PRMT3: variants seen among roughly 807,000 people sequenced by gnomAD.
PRMT3 encodes the protein protein arginine N-methyltransferase 3.
PRMT3 carries 62 observed loss-of-function variants against 71.9 expected under a neutral mutation model. That is an observed-to-expected ratio of 0.86 (90% CI 0.70 to 1.07). The LOEUF (loss-of-function observed/expected upper bound fraction) is 1.07. Ranked by LOEUF, PRMT3 falls within the 50% of genes least tolerant of loss-of-function variation. The pLI, the probability that PRMT3 is intolerant of heterozygous loss-of-function variation, is 0.00. For missense variants in PRMT3, 663 were observed against 643.0 expected (o/e 1.03, Z -0.34); for synonymous variants, 213 against 220.4 (o/e 0.97, Z 0.30).
chr11:20,447,395 A>G (rs1414210237), intron 10 of PRMT3, among the ~76,000 whole-genome samples: 5 of 152,088 alleles, frequency 3.3e-5, no homozygotes, highest in Non-Finnish European at 7.4e-5. Flanking sequence ...GCTGCTAAAC[A>G]TCCTTCAATG....
Position 20,508,675 on chromosome 11 carries a change from T to C in PRMT3, c.*262T>C, listed in dbSNP as rs1851657584. 1 of 562,054 alleles carries C rather than the reference T, an allele frequency of 1.8e-6. No homozygotes were observed. Among genetic ancestry groups the C allele is most frequent in the Non-Finnish European group, 3.4e-6 (1 of 296,822 alleles). 34.8% of individuals were successfully genotyped at this position (562,054 alleles called of 1,614,324 possible). A position where few individuals can be genotyped will look rare whatever the true frequency, so the allele number is the denominator to read the frequency against. On this transcript the variant is annotated 3_prime_UTR_variant, in exon 16 of 16. Transcript: ENST00000331079. Reference sequence around the variant, plus strand: ...ATTTAACCAAATGTAACTCCCACATTGAGTTTATCTATATTGAAAATCATT... The same window carrying C: ...ATTTAACCAAATGTAACTCCCACATCGAGTTTATCTATATTGAAAATCATT...
chr11:20,407,960 C>G lies in PRMT3; in HGVS notation c.821C>G (p.Ala274Gly). The G allele has an allele frequency of 6.2e-7, 1 of 1,610,046 alleles. No individual in the cohort carries two copies. Among genetic ancestry groups the G allele is most frequent in the Non-Finnish European group, 8.5e-7 (1 of 1,176,446 alleles). The change falls in exon 9 of 16, where the codon GCT becomes GGT. Residue 274 changes from alanine to glycine, a missense_variant. Transcript: ENST00000331079. ...CGTGILSMFA[A>G]KAGAKKVLGV... ...ACTGGAATTCTCTCTATGTTTGCTGCTAAAGCTGGGGCGAAGAAGGTTCTT... is the reference window on the plus strand; with the variant it reads ...ACTGGAATTCTCTCTATGTTTGCTGGTAAAGCTGGGGCGAAGAAGGTTCTT...
intron 10 of PRMT3, among the ~76,000 whole-genome samples, chr11:20,436,492 A>C (rs1208896339): frequency 6.6e-6 from 1 of 152,124 alleles, no homozygotes; most frequent in African/African-American, 2.4e-5. Context: ...AGTATTTATC[A>C]TGAAGGGATG....
At chr11:20,430,040 C>T (rs557006082) in intron 10 of PRMT3, among the ~76,000 whole-genome samples, 36 of 152,226 alleles carry the variant, frequency 2.4e-4, no homozygotes, top group African/African-American at 8.2e-4. Flanking sequence ...ATGTTTCAGG[C>T]GCATTGGCTG....
chr11:20,483,226 T>G (rs1053446451), intron 13 of PRMT3, among the ~76,000 whole-genome samples: 1 of 152,126 alleles, frequency 6.6e-6, no homozygotes, highest in Non-Finnish European at 1.5e-5. Context: ...TCTTCAGCAG[T>G]CATAAAACTA....
intron 13 of PRMT3, among the ~76,000 whole-genome samples, chr11:20,478,298 A>G (rs1850845701): frequency 6.6e-6 from 1 of 152,114 alleles, no homozygotes; most frequent in Non-Finnish European, 1.5e-5. Context: ...TTAAAGCCCA[A>G]ACTGGAAAAT....
Position 20,487,071 on chromosome 11 carries a change from AG to A in PRMT3, c.1348-6847del, listed in dbSNP as rs1331135044. ...GACTCCATCTCAAGAAAAAAAAAAAAGAAGAAGAAGAATGAAGCTGAAATAA... is the reference window on the plus strand; with the variant it reads ...GACTCCATCTCAAGAAAAAAAAAAAAAAGAAGAAGAATGAAGCTGAAATAA... On this transcript the variant is annotated intron_variant, in intron 13 of 15. Coordinates refer to ENST00000331079, the MANE Select transcript of PRMT3 (RefSeq NM_005788.4). Among the ~76,000 whole-genome samples, 82 of 141,030 alleles carry A rather than the reference AG, an allele frequency of 5.8e-4. 1 individual carries two copies. The highest frequency in any genetic ancestry group is 7.4e-3 in the Middle Eastern group (2 of 270). The allele number at this position is 141,030 out of a possible 152,430, so 92.5% of individuals were successfully genotyped here.
intron 13 of PRMT3, 135 bp from the exon 14 acceptor site, chr11:20,493,784 G>A (rs1234974384): frequency 1.6e-6 from 1 of 626,354 alleles, no homozygotes. Context: ...ATCTTTTCCA[G>A]GAAAAATATT....
At chr11:20,494,138 T>C (rs1174664474) in intron 14 of PRMT3, 29 bp from the exon 15 acceptor site, 1 of 1,557,802 alleles carries the variant, frequency 6.4e-7, no homozygotes, top group Non-Finnish European at 8.9e-7. Context: ...TTGTACTTCA[T>C]CAAATACCTT....
intron 9 of PRMT3, among the ~76,000 whole-genome samples, chr11:20,426,207 G>T (rs1203787374): frequency 6.6e-6 from 1 of 152,184 alleles, no homozygotes; most frequent in Non-Finnish European, 1.5e-5. Flanking sequence ...ATAGATACAT[G>T]TATAGCTTTC....
chr11:20,441,375 G>A (rs1481884180), intron 10 of PRMT3, among the ~76,000 whole-genome samples: 1 of 151,192 alleles, frequency 6.6e-6, no homozygotes, highest in Non-Finnish European at 1.5e-5. Flanking sequence ...GCGCAATCTC[G>A]GCTCACTGCA....
chr11:20,407,789 A>G lies in PRMT3; in HGVS notation c.772-122A>G, dbSNP rs1486117148. 3.8e-6 allele frequency: 4 copies of G among 1,053,212 alleles called. No individual in the cohort carries two copies. In the African/African-American group the frequency reaches 4.9e-5, roughly 13 times the overall value. 65.2% of individuals were successfully genotyped at this position (1,053,212 alleles called of 1,614,324 possible). A position where few individuals can be genotyped will look rare whatever the true frequency, so the allele number is the denominator to read the frequency against. ...CAGGCGTGAGCCACCGCGCCTGGCC[A>G]GTTTCAGATTTTTATTGTGATCTTT... On this transcript the variant is annotated intron_variant, in intron 8 of 15. Transcript: ENST00000331079.
chr11:20,494,113 A>G (rs1851276939), intron 14 of PRMT3, 54 bp from the exon 15 acceptor site: 2 of 1,511,774 alleles, frequency 1.3e-6, no homozygotes, highest in Non-Finnish European at 1.8e-6. Context: ...TTAATGTACC[A>G]TGATATTAAA....
chr11:20,387,829 G>C lies in PRMT3; in HGVS notation c.28+55G>C. 1.9e-6 allele frequency: 3 copies of C among 1,538,636 alleles called. No individual in the cohort carries two copies. The highest frequency in any genetic ancestry group is 2.6e-6 in the Non-Finnish European group (3 of 1,144,698). On this transcript the variant is annotated intron_variant, in intron 1 of 15. Transcript: ENST00000331079. The surrounding 1 kb of genome is among the most constrained non-coding windows in gnomAD (Gnocchi z 4.3). ...TCGTCCAGCCCCAGGCCGCGCCGCT[G>C]TGGGGCCGGTGGAAGACCCTCCGGG...
intron 3 of PRMT3, among the ~76,000 whole-genome samples, chr11:20,391,031 C>CA (rs1408173467): frequency 6.9e-6 from 1 of 144,846 alleles, no homozygotes; most frequent in Non-Finnish European, 1.5e-5. Context: ...GCCTGGGTGA[C>CA]AGACTGAGAC....
chr11:20,488,316 C>G (rs1412443338), intron 13 of PRMT3, among the ~76,000 whole-genome samples: 2 of 152,086 alleles, frequency 1.3e-5, no homozygotes, highest in African/African-American at 2.4e-5. Context: ...ATTTTCATCT[C>G]CTTGGTTTAT....
chr11:20,416,999 T>C (rs1849319690), intron 9 of PRMT3, among the ~76,000 whole-genome samples: 1 of 152,178 alleles, frequency 6.6e-6, no homozygotes, highest in East Asian at 1.9e-4. Context: ...ACCCCCGTAA[T>C]GTTTTAGTCC....
At chr11:20,400,896 G>A (rs1276942522) in intron 7 of PRMT3, among the ~76,000 whole-genome samples, 1 of 151,570 alleles carries the variant, frequency 6.6e-6, no homozygotes, top group Non-Finnish European at 1.5e-5. Context: ...TGACGTGTTA[G>A]CCTTTGTTAG....
At chr11:20,501,614 G>A (rs1851459348) in intron 15 of PRMT3, among the ~76,000 whole-genome samples, 1 of 152,074 alleles carries the variant, frequency 6.6e-6, no homozygotes, top group Admixed American at 6.6e-5. Flanking sequence ...AGTCTAGTTT[G>A]GAAAAATTAC....
Sources: allele counts gnomAD v4.1 joint callset (sites outside exome capture counted in the v4.1 genomes callset), GRCh38; gene constraint gnomAD v4.1.1; non-coding constraint Gnocchi (gnomAD v3.1); transcripts MANE v1.5; gene names NCBI Gene and HGNC (gene_info 2026-07-23, HGNC 2026-07-21).